The following IGSF6 variants were observed in gnomAD, a reference collection of about 807,000 sequenced individuals.
IGSF6 encodes down-regulated by activation (immunoglobulin superfamily).
Under a neutral mutation model 24.7 loss-of-function variants are expected in IGSF6, and 23 were observed. The observed-to-expected ratio is 0.93, with a 90% CI of 0.67 to 1.32. The LOEUF (loss-of-function observed/expected upper bound fraction) is 1.32, where lower values mean the gene tolerates loss of function less well. Among genes scored for constraint, IGSF6 ranks in the 40% most tolerant of loss-of-function variants. IGSF6 has a pLI of 0.00. For synonymous variants in IGSF6, 110 were observed against 113.7 expected (o/e 0.97, Z 0.21); for missense variants, 295 against 293.6 (o/e 1.00, Z -0.04).
chr16:21,649,460 C>T (rs1966513261), intron 1 of IGSF6, among the ~76,000 whole-genome samples: 1 of 152,162 alleles, frequency 6.6e-6, no homozygotes, highest in African/African-American at 2.4e-5. Flanking sequence ...GCTCCATCTC[C>T]AGCCAAGGGG....
At chr16:21,650,367 G>T in intron 1 of IGSF6, among the ~76,000 whole-genome samples, 1 of 152,058 alleles carries the variant, frequency 6.6e-6, no homozygotes, top group East Asian at 1.9e-4. Context: ...AATTAGCCAG[G>T]TGTGGTGGTG....
intron 1 of IGSF6, among the ~76,000 whole-genome samples, chr16:21,650,508 CAAAAAAAAAAAA>C (rs3046229): frequency 1.1e-5 from 1 of 89,990 alleles, no homozygotes; most frequent in African/African-American, 4.6e-5. Flanking sequence ...ACTCTTGTCT[CAAAAAAAAAAAA>C]AAAAAAAATA....
At chr16:21,643,196 A>G in intron 4 of IGSF6, 42 bp from the exon 5 acceptor site, 1 of 1,424,422 alleles carries the variant, frequency 7.0e-7, no homozygotes, top group South Asian at 1.2e-5. Context: ...TTTTGGGAAT[A>G]TAAGCGATGA....
chr16:21,642,957 T>G, intron 5 of IGSF6, 117 bp downstream of exon 5: 1 of 631,462 alleles, frequency 1.6e-6, no homozygotes, highest in East Asian at 2.6e-5. Flanking sequence ...CTTGTGAAAG[T>G]TCTCTTTCAG....
At chr16:21,646,990 C>T (rs1469341088) in intron 2 of IGSF6, 143 bp downstream of exon 2, 1 of 1,112,966 alleles carries the variant, frequency 9.0e-7, no homozygotes. Context: ...CTCATGGTGA[C>T]TTGTGTTCAG....
intron 2 of IGSF6, 84 bp downstream of exon 2, chr16:21,647,049 G>T: frequency 6.4e-7 from 1 of 1,569,916 alleles, no homozygotes; most frequent in East Asian, 2.2e-5. Flanking sequence ...TTTATCTCCT[G>T]ATTTCTACAT....
rs1260878298 is a variant in IGSF6, at chr16:21,640,588, TA to T, written c.*945del. On this transcript the variant is annotated 3_prime_UTR_variant, in exon 6 of 6. Transcript: ENST00000268389. ...CAACATGGTGAAACCCCGTCTCTAC[TA>T]AAAATACAAAAAAAAAAAAAAAAAA... 1 of 51,364 alleles carries T rather than the reference TA, an allele frequency of 1.9e-5. No homozygotes were observed. The highest frequency in any genetic ancestry group is 7.8e-5 in the African/African-American group (1 of 12,838). 3.2% of individuals were successfully genotyped at this position (51,364 alleles called of 1,614,324 possible). A position where few individuals can be genotyped will look rare whatever the true frequency, so the allele number is the denominator to read the frequency against.
At chr16:21,646,335 T>C (rs2141617599) in intron 2 of IGSF6, 1 of 152,272 alleles carries the variant, frequency 6.6e-6, no homozygotes, top group East Asian at 1.9e-4. Flanking sequence ...CCAGGCAGAA[T>C]GGGAAGGGTC....
intron 2 of IGSF6, chr16:21,646,812 T>TG: frequency 2.8e-6 from 1 of 356,898 alleles, no homozygotes; most frequent in East Asian, 7.2e-5. Context: ...CATGCCACCA[T>TG]GCGCGGCTAA....
At chr16:21,642,268 A>G (rs921294489) in intron 5 of IGSF6, 6 of 152,108 alleles carry the variant, frequency 3.9e-5, no homozygotes, top group Admixed American at 1.3e-4. Flanking sequence ...AAATATCTTT[A>G]CTAGTTTATC....
chr16:21,651,965 AT>A (rs1317225740), intron 1 of IGSF6: 1 of 152,184 alleles, frequency 6.6e-6, no homozygotes, highest in African/African-American at 2.4e-5. Flanking sequence ...ATGAGAAAAA[AT>A]TAAGAACTTT....
rs115882957 is a variant in IGSF6 at position 21,650,171 on chromosome 16, G to A, written c.67+2361C>T. On this transcript the variant is annotated intron_variant, in intron 1 of 5. Coordinates refer to ENST00000268389, the MANE Select transcript of IGSF6 (RefSeq NM_005849.4). ...TCTATTAAAGGAATAGAGTCTGGAC[G>A]TGCACTCCAGCCTGGGCAGCATTGT... Among the ~76,000 whole-genome samples the A allele has an allele frequency of 5.9e-3, 889 of 151,704 alleles. 5 individuals carry two copies. Among genetic ancestry groups the A allele is most frequent in the African/African-American group, 0.021 (858 of 41,288 alleles).
Position 21,647,496 on chromosome 16 carries a change from TG to T in IGSF6, c.68-5del. 2 of 1,604,948 alleles carry T rather than the reference TG, an allele frequency of 1.2e-6. No individual in the cohort carries two copies. Among genetic ancestry groups the T allele is most frequent in the South Asian group, 2.2e-5 (2 of 90,852 alleles). ...AGAGTACAGGCGCCCACAGCACCTG[TG>T]GGAGGAAGCAGATGAGTGGGTTAAT... On this transcript the variant is annotated splice_polypyrimidine_tract_variant and splice_region_variant and intron_variant, in intron 1 of 5. Transcript: ENST00000268389.
chr16:21,647,468 G>C lies in IGSF6; in HGVS notation c.92C>G (p.Ser31Cys). Residue 31 changes from serine (S) to cysteine (C), a missense_variant, in exon 2 of 6, where the codon TCT becomes TGT. By Grantham distance (112) the Ser-to-Cys change is moderately radical. Transcript: ENST00000268389. The stretch of plus-strand genomic sequence containing the variant: ...TTCTAGGTACCACGGTTGTGTGACA[G>C]AGAGAGTACAGGCGCCCACAGCACC... Reference protein sequence around the residue: ...CVGAVGACTLSVTQPWYLEVD... With the variant: ...CVGAVGACTLCVTQPWYLEVD... 1 of 1,613,722 alleles carries C rather than the reference G, an allele frequency of 6.2e-7. No homozygotes were observed. Among genetic ancestry groups the C allele is most frequent in the Non-Finnish European group, 8.5e-7 (1 of 1,179,706 alleles).
chr16:21,642,739 C>T (rs538130370), intron 5 of IGSF6, among the ~76,000 whole-genome samples: 1 of 152,212 alleles, frequency 6.6e-6, no homozygotes, highest in African/African-American at 2.4e-5. Context: ...ATCTACTGAA[C>T]GCCTACCACT....
At position 21,652,575 on chromosome 16, in the gene IGSF6, G is replaced by A. The variant is rs769214915; in HGVS notation, c.24C>T (p.Asn8=). 4 of 1,610,764 alleles carry A rather than the reference G, an allele frequency of 2.5e-6. No homozygotes were observed. The East Asian group carries it at 6.7e-5, about 27-fold the overall frequency. ...GATTGGTTTGCAGATGGCGAGCGAT[G>A]TTGCTTCTGCTCGCAGTCCCCATTT... is the stretch of plus-strand genomic sequence containing the variant. MGTASRS[N]IARHLQTNLI... The change falls in exon 1 of 6, where the codon AAC becomes AAT. Residue 8 remains asparagine (N), a synonymous_variant. Transcript: ENST00000268389.
rs77836477 is a variant in IGSF6 at position 21,643,571 on chromosome 16, C to T, written c.562G>A (p.Glu188Lys). ...ACCTTTTGTGAGTCTTCTTTTATTT[C>T]TTTGTTTCTTAGAGGGTTGGATTTT... ...KSKSNPLRNK[E>K]IKEDSQKKKS... The change falls in exon 4 of 6, where the codon GAA becomes AAA. Residue 188 changes from glutamate (E) to lysine (K), a missense_variant. By Grantham distance (56) the Glu-to-Lys change is moderately conservative. Coordinates refer to ENST00000268389, the MANE Select transcript of IGSF6 (RefSeq NM_005849.4). The T allele has an allele frequency of 8.2e-3, 13,217 of 1,606,012 alleles. 70 individuals carry two copies. Among genetic ancestry groups the T allele is most frequent in the Non-Finnish European group, 9.8e-3 (11,562 of 1,174,114 alleles).
intron 3 of IGSF6, among the ~76,000 whole-genome samples, chr16:21,643,919 C>T (rs915575409): frequency 6.6e-6 from 1 of 152,084 alleles, no homozygotes; most frequent in Non-Finnish European, 1.5e-5. Context: ...TTCATCAACC[C>T]ATTTTTGTTC....
At position 21,639,829 on chromosome 16, in the gene IGSF6, G is replaced by A. The variant is rs1462183511; in HGVS notation, c.*1705C>T. On this transcript the variant is annotated 3_prime_UTR_variant, in exon 6 of 6. Coordinates refer to ENST00000268389, the MANE Select transcript of IGSF6 (RefSeq NM_005849.4). ...GATATCACTGATTTAAACCATCAAT[G>A]CAAAAACACTTTCAAAGGAATCTTA... 1.3e-5 allele frequency: 2 copies of A among 152,072 alleles called. No homozygotes were observed. The highest frequency in any genetic ancestry group is 2.9e-5 in the Non-Finnish European group (2 of 68,016). 9.4% of individuals were successfully genotyped at this position (152,072 alleles called of 1,614,324 possible).
Sources: gnomAD v4.1 joint callset for allele counts (sites outside exome capture counted in the v4.1 genomes callset) on GRCh38, gnomAD v4.1.1 for gene constraint, MANE v1.5 for transcripts, NCBI Gene and HGNC (gene_info 2026-07-23, HGNC 2026-07-21) for gene names.